The following NID1 variants were observed in gnomAD, a reference collection of about 807,000 sequenced individuals.
NID1 encodes nidogen 1.
In NID1, 76 loss-of-function variants were observed where a neutral mutation model predicts 130.6. That is an observed-to-expected ratio of 0.58 (90% CI 0.48 to 0.70). NID1 has a LOEUF of 0.70. Among genes scored for constraint, NID1 ranks in the 30% least tolerant of loss-of-function variants. NID1 has a pLI of 0.00. For synonymous variants in NID1, 665 were observed against 675.1 expected (o/e 0.98, Z 0.23); for missense variants, 1,517 against 1,664.8 (o/e 0.91, Z 1.54).
At chr1:235,993,345 A>G (rs1657814257) in intron 13 of NID1, among the ~76,000 whole-genome samples, 1 of 152,170 alleles carries the variant, frequency 6.6e-6, no homozygotes, top group Admixed American at 6.5e-5. Flanking sequence ...CCGCTCTGCT[A>G]CCATTACAGG....
rs1255006940 is a variant in NID1 at position 235,979,461 on chromosome 1, A to G, written c.3510-354T>C. On this transcript the variant is annotated intron_variant, in intron 18 of 19. Transcript: ENST00000264187. This position sits in a 1 kb window ranked among gnomAD's most constrained non-coding sequence, Gnocchi z 4.6. ...GGAATATTGCAGTTTAACAACTATA[A>G]TGAAGCAGGGACATGAAGTGGACAT... 6.6e-6 allele frequency among the ~76,000 whole-genome samples: 1 copy of G among 152,176 alleles called. No homozygotes were observed. Among genetic ancestry groups the G allele is most frequent in the African/African-American group, 2.4e-5 (1 of 41,444 alleles).
chr1:236,030,290 TG>T (rs1659058250), intron 6 of NID1, among the ~76,000 whole-genome samples: 1 of 152,210 alleles, frequency 6.6e-6, no homozygotes, highest in African/African-American at 2.4e-5. Flanking sequence ...GAACTCCTCT[TG>T]GTCTGTGCAA....
chr1:236,012,058 C>G lies in NID1; in HGVS notation c.2405-15G>C, dbSNP rs751333376. ...TTCATCTACATCTGTAAAACAGCCA[C>G]CAGGCCCAGGGACAATGAGATTTCT... On this transcript the variant is annotated splice_polypyrimidine_tract_variant and intron_variant, in intron 11 of 19. Transcript: ENST00000264187. 1.2e-6 allele frequency: 2 copies of G among 1,608,842 alleles called. No homozygotes were observed. The highest frequency in any genetic ancestry group is 3.3e-5 in the Admixed American group (2 of 59,962).
intron 5 of NID1, among the ~76,000 whole-genome samples, chr1:236,034,336 C>A (rs563317427): frequency 1.3e-5 from 2 of 150,462 alleles, no homozygotes; most frequent in South Asian, 4.2e-4. Context: ...GCAGGAGAAT[C>A]GCTTGAACAC....
Position 235,983,336 on chromosome 1 carries a change from C to A in NID1, c.3056-1554G>T, listed in dbSNP as rs182746453. Among the ~76,000 whole-genome samples, 413 of 152,290 alleles carry A rather than the reference C, an allele frequency of 2.7e-3. 2 individuals are homozygous for A. Among genetic ancestry groups the A allele is most frequent in the Admixed American group, 7.3e-3 (112 of 15,298 alleles). Reference sequence around the variant, plus strand: ...GAGGAAGTTTATTGAGAATTAGAAACCCCACTTGAACAAGATCTTTATTAT... The same window carrying A: ...GAGGAAGTTTATTGAGAATTAGAAAACCCACTTGAACAAGATCTTTATTAT... On this transcript the variant is annotated intron_variant, in intron 15 of 19. Coordinates refer to ENST00000264187, the MANE Select transcript of NID1 (RefSeq NM_002508.3).
At position 235,980,599 on chromosome 1, in the gene NID1, G is replaced by A; in HGVS notation, c.3282C>T (p.Tyr1094=). 6.2e-7 allele frequency: 1 copy of A among 1,614,218 alleles called. No homozygotes were observed. Among genetic ancestry groups the A allele is most frequent in the Non-Finnish European group, 8.5e-7 (1 of 1,180,036 alleles). ...NRDNPKIETS[Y]MDGTNRRILV... is the part of the protein sequence containing the mutation. ...GGATCCTCCGGTTCGTGCCGTCCATGTAGGAAGTTTCAATCTTGGGGTTAT... is the reference window on the plus strand; with the variant it reads ...GGATCCTCCGGTTCGTGCCGTCCATATAGGAAGTTTCAATCTTGGGGTTAT... The change falls in exon 17 of 20, where the codon TAC becomes TAT. Residue 1094 remains tyrosine (Y), a synonymous_variant. Transcript: ENST00000264187.
chr1:236,062,132 G>A (rs773554713), intron 1 of NID1, among the ~76,000 whole-genome samples: 8 of 152,120 alleles, frequency 5.3e-5, no homozygotes, highest in Admixed American at 6.5e-5. Flanking sequence ...ACCTCTTCTC[G>A]AAATGCAGTT....
intron 13 of NID1, among the ~76,000 whole-genome samples, chr1:235,993,265 G>A (rs1405736500): frequency 1.3e-5 from 2 of 152,248 alleles, no homozygotes; most frequent in South Asian, 2.1e-4. Flanking sequence ...CCATGTCCCA[G>A]TGCAGGAACA....
intron 5 of NID1, among the ~76,000 whole-genome samples, chr1:236,033,730 G>A (rs535210381): frequency 6.6e-6 from 1 of 152,302 alleles, no homozygotes; most frequent in African/African-American, 2.4e-5. Flanking sequence ...ATAAATGTTG[G>A]CATATACCTG....
Position 236,058,385 on chromosome 1 carries a change from C to T in NID1, c.225+6470G>A, listed in dbSNP as rs150040748. The stretch of plus-strand genomic sequence containing the variant: ...ACAACAAACAATACGGCTTTTCATC[C>T]AGCTGCCCTAGGGCAGAGCATGTCA... On this transcript the variant is annotated intron_variant, in intron 1 of 19. Transcript: ENST00000264187. Among the ~76,000 whole-genome samples the T allele has an allele frequency of 5.6e-4, 85 of 152,280 alleles. No homozygotes were observed. In the South Asian group the frequency reaches 6.2e-3, roughly 11 times the overall value.
intron 5 of NID1, among the ~76,000 whole-genome samples, chr1:236,037,050 G>A (rs1274845667): frequency 2.6e-5 from 4 of 152,158 alleles, no homozygotes; most frequent in Non-Finnish European, 5.9e-5. Context: ...CCCAGATGGT[G>A]CACCGAGTGA....
At chr1:236,054,899 C>T (rs998606531) in intron 1 of NID1, among the ~76,000 whole-genome samples, 6 of 152,082 alleles carry the variant, frequency 3.9e-5, no homozygotes, top group Non-Finnish European at 7.4e-5. Flanking sequence ...GCCTCAGCCT[C>T]CCAAAGTGCT....
chr1:235,996,705 A>C (rs1202313351), intron 12 of NID1, among the ~76,000 whole-genome samples: 1 of 152,110 alleles, frequency 6.6e-6, no homozygotes, highest in African/African-American at 2.4e-5. Context: ...GACCTCCCAA[A>C]GTACTGGGAT....
chr1:236,032,772 G>C, intron 5 of NID1, 120 bp from the exon 6 acceptor site: 4 of 1,331,494 alleles, frequency 3.0e-6, no homozygotes, highest in Non-Finnish European at 4.0e-6. Context: ...ACAGCACTGG[G>C]GTCAATGGCT....
At chr1:236,037,488 T>A (rs868845495) in intron 5 of NID1, among the ~76,000 whole-genome samples, 2 of 151,984 alleles carry the variant, frequency 1.3e-5, no homozygotes, top group African/African-American at 4.8e-5. Context: ...AGAAACCCCA[T>A]CTCTATGAAA....
At chr1:236,049,488 AAAAG>A (rs1659701572) in intron 1 of NID1, among the ~76,000 whole-genome samples, 3 of 152,164 alleles carry the variant, frequency 2.0e-5, no homozygotes, top group African/African-American at 4.8e-5. Flanking sequence ...TCAAAAAAGA[AAAAG>A]AAAGAAAAGA....
In NID1 at chr1:235,990,334, G is replaced by C. The variant is rs151266476; in HGVS notation, c.2928+552C>G. 9.5e-4 allele frequency among the ~76,000 whole-genome samples: 144 copies of C among 152,298 alleles called. 1 individual carries two copies. Among genetic ancestry groups the C allele is most frequent in the Non-Finnish European group, 1.5e-3 (100 of 68,024 alleles). ...TTTGTGCCTCCAGTGAGGAATGATA[G>C]GGCTTTCTGCCAGACTTTCTTTTAC... On this transcript the variant is annotated intron_variant, in intron 14 of 19. Coordinates refer to ENST00000264187, the MANE Select transcript of NID1 (RefSeq NM_002508.3).
intron 8 of NID1, 56 bp downstream of exon 8, chr1:236,025,840 G>A: frequency 6.3e-7 from 1 of 1,586,558 alleles, no homozygotes; most frequent in Non-Finnish European, 8.6e-7. Flanking sequence ...ATGTCAAAGA[G>A]TGGGGTTTTA....
chr1:236,016,792 C>T (rs543522756), intron 10 of NID1, among the ~76,000 whole-genome samples: 1 of 152,218 alleles, frequency 6.6e-6, no homozygotes, highest in East Asian at 1.9e-4. Context: ...GGTGCTCCCT[C>T]AATGTGAACC....
Sources: allele counts gnomAD v4.1 joint callset (sites outside exome capture counted in the v4.1 genomes callset), GRCh38; gene constraint gnomAD v4.1.1; non-coding constraint Gnocchi (gnomAD v3.1); transcripts MANE v1.5; gene names NCBI Gene and HGNC (gene_info 2026-07-23, HGNC 2026-07-21).